The following ADAMTS18 variants were observed in gnomAD, a reference collection of about 807,000 sequenced individuals.
The protein encoded by ADAMTS18 is ADAM metallopeptidase with thrombospondin type 1 motif 18, also known as A disintegrin and metalloproteinase with thrombospondin motifs 18.
A neutral mutation model predicts 165.9 loss-of-function variants in ADAMTS18; 157 were observed. That is an observed-to-expected ratio of 0.95 (90% confidence interval 0.83 to 1.08). ADAMTS18 has a LOEUF of 1.08. Ranked by LOEUF, ADAMTS18 falls within the 50% of genes least tolerant of loss-of-function variation. ADAMTS18 has a pLI of 0.00. For synonymous variants in ADAMTS18, 782 were observed against 578.2 expected (o/e 1.35, Z -5.06); for missense variants, 2,040 against 1,534.0 (o/e 1.33, Z -5.51).
At chr16:77,286,789 A>G (rs1259654068) in intron 22 of ADAMTS18, among the ~76,000 whole-genome samples, 1 of 152,108 alleles carries the variant, frequency 6.6e-6, no homozygotes, top group African/African-American at 2.4e-5. Context: ...CAGACACGTA[A>G]ACACCCAGTT....
At chr16:77,376,050 TG>T (rs901453415) in intron 3 of ADAMTS18, among the ~76,000 whole-genome samples, 1 of 151,974 alleles carries the variant, frequency 6.6e-6, no homozygotes, top group African/African-American at 2.4e-5. Flanking sequence ...ATTACAGGCA[TG>T]GGCCACCACG....
chr16:77,390,630 C>T (rs1367691638), intron 3 of ADAMTS18, among the ~76,000 whole-genome samples: 1 of 151,130 alleles, frequency 6.6e-6, no homozygotes, highest in African/African-American at 2.4e-5. Context: ...ACGGAGGTTG[C>T]AGTGAGTGGA....
chr16:77,413,742 ATAAC>A (rs2057494449), intron 3 of ADAMTS18, among the ~76,000 whole-genome samples: 1 of 151,846 alleles, frequency 6.6e-6, no homozygotes, highest in Admixed American at 6.6e-5. Flanking sequence ...GCTATTTAGT[ATAAC>A]TAAGAAAGTT....
chr16:77,385,968 A>G (rs1334215215), intron 3 of ADAMTS18, among the ~76,000 whole-genome samples: 3 of 152,250 alleles, frequency 2.0e-5, no homozygotes. Flanking sequence ...AGAACAAAGA[A>G]CTGTCCAAAG....
chr16:77,333,654 T>G (rs181065312), intron 12 of ADAMTS18, among the ~76,000 whole-genome samples: 1,630 of 151,562 alleles, frequency 0.011, 30 homozygotes, highest in African/African-American at 0.037. Context: ...CATGTTCAAT[T>G]CAGCATTATT....
intron 22 of ADAMTS18, among the ~76,000 whole-genome samples, chr16:77,287,987 G>A (rs529424304): frequency 2.4e-4 from 37 of 152,300 alleles, no homozygotes; most frequent in African/African-American, 8.2e-4. Flanking sequence ...GGTGCTTGGT[G>A]ACTTGGCTTT....
intron 12 of ADAMTS18, among the ~76,000 whole-genome samples, chr16:77,335,191 T>C (rs2056288351): frequency 6.7e-6 from 1 of 149,912 alleles, no homozygotes; most frequent in Non-Finnish European, 1.5e-5. Flanking sequence ...GCAACATGAA[T>C]GGAACTGGAG....
At chr16:77,430,051 G>A (rs1004107063) in intron 3 of ADAMTS18, among the ~76,000 whole-genome samples, 2 of 152,134 alleles carry the variant, frequency 1.3e-5, no homozygotes, top group Non-Finnish European at 2.9e-5. Context: ...AGCCACTACG[G>A]TGGGTTGTGT....
intron 10 of ADAMTS18, among the ~76,000 whole-genome samples, chr16:77,342,391 A>G (rs891575628): frequency 3.3e-5 from 5 of 152,142 alleles, no homozygotes; most frequent in Non-Finnish European, 7.3e-5. Flanking sequence ...AATGTTCTAC[A>G]GTTGCTTTTT....
chr16:77,427,392 C>T (rs1337127165), intron 3 of ADAMTS18, among the ~76,000 whole-genome samples: 4 of 152,164 alleles, frequency 2.6e-5, no homozygotes, highest in Non-Finnish European at 5.9e-5. Flanking sequence ...GACTGTGGTT[C>T]AACAGCAAGA....
intron 18 of ADAMTS18, among the ~76,000 whole-genome samples, chr16:77,296,391 G>A (rs1005950948): frequency 1.3e-5 from 2 of 151,854 alleles, no homozygotes; most frequent in Non-Finnish European, 2.9e-5. Context: ...TTGCATTTGG[G>A]GTTTCATGGC....
chr16:77,291,244 TC>T (rs145637224), intron 21 of ADAMTS18, 21 bp downstream of exon 21: 1 of 1,612,868 alleles, frequency 6.2e-7, no homozygotes, highest in South Asian at 1.1e-5. Context: ...AATAGACACC[TC>T]CTCAATCGGC....
intron 22 of ADAMTS18, 144 bp from the exon 23 acceptor site, chr16:77,284,215 G>T (rs973154146): frequency 1.5e-5 from 9 of 618,102 alleles, no homozygotes; most frequent in African/African-American, 1.3e-4. Context: ...AATCTCTGCT[G>T]CCCAGGTTCA....
chr16:77,434,385 G>C (rs767311888), intron 2 of ADAMTS18, 33 bp downstream of exon 2: 5 of 1,550,152 alleles, frequency 3.2e-6, no homozygotes, highest in Non-Finnish European at 4.3e-6. Flanking sequence ...TGCTGCGAAA[G>C]GCCCTTCTTG....
chr16:77,373,746 C>T (rs1174807334), intron 3 of ADAMTS18, among the ~76,000 whole-genome samples: 1 of 152,182 alleles, frequency 6.6e-6, no homozygotes, highest in African/African-American at 2.4e-5. Context: ...AAATTATCCT[C>T]TCTCACTTCC....
At chr16:77,299,182 T>C (rs1340609418) in intron 17 of ADAMTS18, among the ~76,000 whole-genome samples, 5 of 152,186 alleles carry the variant, frequency 3.3e-5, no homozygotes, top group African/African-American at 9.7e-5. Flanking sequence ...GGATACAAAA[T>C]GATACTCACG....
At chr16:77,320,665 G>A (rs9746317) in intron 15 of ADAMTS18, among the ~76,000 whole-genome samples, 22,040 of 151,894 alleles carry the variant, frequency 0.15, 1,695 homozygotes, top group East Asian at 0.27. Flanking sequence ...TCTGGAAGAA[G>A]CTTAGAACCA....
intron 3 of ADAMTS18, among the ~76,000 whole-genome samples, chr16:77,406,879 A>G (rs2057399781): frequency 1.3e-5 from 2 of 152,000 alleles, no homozygotes; most frequent in Admixed American, 6.6e-5. Context: ...CACAAGGGGG[A>G]GCTAAACATT....
chr16:77,332,124 TTG>T (rs1472320198), intron 12 of ADAMTS18, among the ~76,000 whole-genome samples: 2 of 152,174 alleles, frequency 1.3e-5, no homozygotes, highest in African/African-American at 4.8e-5. Flanking sequence ...GAAGACTAAG[TTG>T]TCTGTGGTCA....
Sources: gnomAD v4.1 joint callset for allele counts (sites outside exome capture counted in the v4.1 genomes callset) on GRCh38, gnomAD v4.1.1 for gene constraint, MANE v1.5 for transcripts, NCBI Gene and HGNC (gene_info 2026-07-23, HGNC 2026-07-21) for gene names.